RBFOX1: variants seen among roughly 807,000 people sequenced by gnomAD.
RBFOX1 encodes RNA binding fox-1 homolog 1.
A neutral mutation model predicts 57.7 loss-of-function variants in RBFOX1; 8 were observed. The ratio of observed to expected loss-of-function variants is 0.14; its 90% CI spans 0.08 to 0.25. RBFOX1 has a LOEUF of 0.25. Ranked by LOEUF, RBFOX1 falls within the 10% of genes least tolerant of loss-of-function variation. The probability of loss-of-function intolerance (pLI) is 1.00; values close to 1 mark genes in which losing one functional copy is unlikely to be tolerated. For synonymous variants in RBFOX1, 326 were observed against 222.4 expected (o/e 1.47, Z -4.15); for missense variants, 611 against 548.5 (o/e 1.11, Z -1.14).
chr16:6,815,448 A>G (rs1203531517), intron 3 of RBFOX1, among the ~76,000 whole-genome samples: 1 of 152,024 alleles, frequency 6.6e-6, no homozygotes, highest in East Asian at 1.9e-4. Flanking sequence ...TGGTTCAAAC[A>G]CCTCTGACAT....
chr16:7,255,163 A>G (rs558480656), intron 4 of RBFOX1, among the ~76,000 whole-genome samples: 1 of 152,188 alleles, frequency 6.6e-6, no homozygotes, highest in Non-Finnish European at 1.5e-5. Context: ...ATAGAAAGAT[A>G]GTTTCTATTT....
chr16:5,881,150 C>A (rs1004533581), intron 4 of RBFOX1, among the ~76,000 whole-genome samples: 1 of 152,138 alleles, frequency 6.6e-6, no homozygotes, highest in Non-Finnish European at 1.5e-5. Flanking sequence ...ATCTAGGAAC[C>A]CCTGTAGAAT....
At chr16:6,928,081 G>A (rs1394517956) in intron 3 of RBFOX1, among the ~76,000 whole-genome samples, 1 of 152,106 alleles carries the variant, frequency 6.6e-6, no homozygotes. Context: ...ACTGGGAGCT[G>A]CTTCTTTACT....
chr16:5,637,712 C>G (rs186616092), intron 3 of RBFOX1, among the ~76,000 whole-genome samples: 8 of 152,252 alleles, frequency 5.3e-5, no homozygotes, highest in Admixed American at 2.6e-4. Flanking sequence ...GGAAGGATCC[C>G]TAAGGGTGGA....
intron 3 of RBFOX1, chr16:6,983,624 C>G (rs558791387): frequency 2.1e-4 from 32 of 152,140 alleles, no homozygotes; most frequent in African/African-American, 7.5e-4. Context: ...ATATTAATTT[C>G]TTAATTTTTC....
chr16:5,696,283 A>T (rs534895971), intron 3 of RBFOX1, among the ~76,000 whole-genome samples: 10 of 152,326 alleles, frequency 6.6e-5, no homozygotes, highest in African/African-American at 2.4e-4. Flanking sequence ...CTAAATATTT[A>T]TGAATCCATA....
chr16:7,154,310 T>C (rs914852571), intron 4 of RBFOX1, among the ~76,000 whole-genome samples: 3 of 152,134 alleles, frequency 2.0e-5, no homozygotes, highest in African/African-American at 7.2e-5. Context: ...AAGTGAAAGA[T>C]ACAGAGGAAA....
chr16:6,520,385 GT>G (rs1393245895), intron 2 of RBFOX1, among the ~76,000 whole-genome samples: 43 of 152,126 alleles, frequency 2.8e-4, no homozygotes, highest in Non-Finnish European at 1.5e-5. Flanking sequence ...ATGAGGTTGT[GT>G]TTTAAGAAAT....
chr16:7,241,229 T>G (rs995508047), intron 4 of RBFOX1, among the ~76,000 whole-genome samples: 4 of 151,996 alleles, frequency 2.6e-5, no homozygotes, highest in African/African-American at 9.7e-5. Flanking sequence ...TCACACGGAG[T>G]TTTTATTCTC....
At chr16:5,585,045 A>G (rs1268681285) in intron 2 of RBFOX1, among the ~76,000 whole-genome samples, 1 of 152,162 alleles carries the variant, frequency 6.6e-6, no homozygotes, top group East Asian at 1.9e-4. Flanking sequence ...ACCATTTTGG[A>G]GTTAACAATT....
Position 5,615,393 on chromosome 16 carries a change from C to T in RBFOX1, c.318+16432C>T, listed in dbSNP as rs141689522. Among the ~76,000 whole-genome samples the T allele has an allele frequency of 5.3e-4, 81 of 152,254 alleles. 1 individual carries two copies. The East Asian group carries it at 0.014, about 25-fold the overall frequency. On this transcript the variant is annotated intron_variant, in intron 3 of 19. Transcript: ENST00000641259. The stretch of plus-strand genomic sequence containing the variant: ...ACTTTTTGATGTGTGCTTGATAGAC[C>T]CTAGAGCTTCGAAGAGTGAGTGGTG...
intron 1 of RBFOX1, among the ~76,000 whole-genome samples, chr16:6,242,010 G>A (rs2052052262): frequency 6.6e-6 from 1 of 152,154 alleles, no homozygotes; most frequent in South Asian, 2.1e-4. Context: ...TATTTTGCAT[G>A]TAGTTAAAAA....
At chr16:7,633,983 T>C (rs2061374942) in intron 11 of RBFOX1, among the ~76,000 whole-genome samples, 1 of 152,192 alleles carries the variant, frequency 6.6e-6, no homozygotes, top group Non-Finnish European at 1.5e-5. Flanking sequence ...AGGGTTATTT[T>C]TACATGCAGG....
chr16:5,641,937 A>G (rs564990033), intron 3 of RBFOX1, among the ~76,000 whole-genome samples: 3 of 152,294 alleles, frequency 2.0e-5, no homozygotes, highest in African/African-American at 7.2e-5. Context: ...GGATTTCACT[A>G]AAATGCAGAT....
chr16:6,403,629 G>C (rs760528419), intron 2 of RBFOX1, among the ~76,000 whole-genome samples: 1 of 152,094 alleles, frequency 6.6e-6, no homozygotes, highest in African/African-American at 2.4e-5. Context: ...TGCTGGGGTT[G>C]TAGCCATGAG....
chr16:7,585,740 C>T (rs1446777109), intron 6 of RBFOX1, among the ~76,000 whole-genome samples: 1 of 152,088 alleles, frequency 6.6e-6, no homozygotes, highest in African/African-American at 2.4e-5. Flanking sequence ...ATTTCTTTGT[C>T]CATTCCAGAG....
intron 4 of RBFOX1, among the ~76,000 whole-genome samples, chr16:7,441,608 C>T (rs769167918): frequency 2.6e-5 from 4 of 151,942 alleles, no homozygotes; most frequent in Admixed American, 6.6e-5. Flanking sequence ...TGCTTTTTTC[C>T]CCCCTGTTAT....
intron 3 of RBFOX1, among the ~76,000 whole-genome samples, chr16:5,733,919 A>C (rs901812507): frequency 2.0e-5 from 3 of 149,914 alleles, no homozygotes. Flanking sequence ...GCCCTACCCC[A>C]CCCTTCATTT....
chr16:7,003,320 C>T (rs773650865), intron 3 of RBFOX1, among the ~76,000 whole-genome samples: 10 of 151,836 alleles, frequency 6.6e-5, no homozygotes, highest in Non-Finnish European at 1.3e-4. Flanking sequence ...ATTAGCTGGG[C>T]GTGATGGTGA....
Sources: gnomAD v4.1 joint callset for allele counts (sites outside exome capture counted in the v4.1 genomes callset) on GRCh38, gnomAD v4.1.1 for gene constraint, MANE v1.5 for transcripts, NCBI Gene and HGNC (gene_info 2026-07-23, HGNC 2026-07-21) for gene names.